Variants in CDH18 observed in about 807,000 individuals in gnomAD.
The protein encoded by CDH18 is cadherin-18.
A neutral mutation model predicts 67.9 loss-of-function variants in CDH18; 31 were observed. The observed-to-expected ratio is 0.46, with a 90% confidence interval of 0.34 to 0.62. The LOEUF is 0.62. Among genes scored for constraint, CDH18 ranks in the 20% least tolerant of loss-of-function variants. The probability of loss-of-function intolerance (pLI) is 0.01; values close to 1 mark genes in which losing one functional copy is unlikely to be tolerated. For missense variants in CDH18, 890 were observed against 975.5 expected (o/e 0.91, Z 1.17); for synonymous variants, 362 against 347.2 (o/e 1.04, Z -0.48).
chr5:19,513,866 C>G (rs1554033798), intron 10 of CDH18, among the ~76,000 whole-genome samples: 1 of 151,268 alleles, frequency 6.6e-6, no homozygotes, highest in South Asian at 2.1e-4. Context: ...TTTTTTTATA[C>G]TTTAAGTTCT....
At chr5:19,751,940 T>C (rs1770902985) in intron 3 of CDH18, among the ~76,000 whole-genome samples, 1 of 152,036 alleles carries the variant, frequency 6.6e-6, no homozygotes, top group South Asian at 2.1e-4. Context: ...ATCCTGAGAG[T>C]ACTCGCAGAC....
intron 1 of CDH18, among the ~76,000 whole-genome samples, chr5:20,262,119 G>A (rs1309123179): frequency 3.9e-5 from 6 of 152,152 alleles, no homozygotes; most frequent in Non-Finnish European, 7.3e-5. Flanking sequence ...CTTGATACAA[G>A]GTGCTGCTTG....
In CDH18 at chr5:19,904,416, G is replaced by T. The variant is rs530755783; in HGVS notation, c.-256-65174C>A. ...GGGAAGAGAAGGGAAGGGAAAGGAAGAGAAGGGAAGGGAAGGGACAGTTTG... is the reference window on the plus strand; with the variant it reads ...GGGAAGAGAAGGGAAGGGAAAGGAATAGAAGGGAAGGGAAGGGACAGTTTG... On this transcript the variant is annotated intron_variant, in intron 2 of 12. Transcript: ENST00000382275. Among the ~76,000 whole-genome samples the T allele has an allele frequency of 5.3e-5, 8 of 151,540 alleles. No individual in the cohort carries two copies. The South Asian group carries it at 1.7e-3, about 32-fold the overall frequency.
At chr5:19,947,719 C>T (rs142258607) in intron 2 of CDH18, among the ~76,000 whole-genome samples, 1,871 of 151,180 alleles carry the variant, frequency 0.012, 45 homozygotes, top group African/African-American at 0.042. Context: ...GCTGTGATGG[C>T]GCCACTGCAC....
At chr5:20,435,393 A>C (rs1208774428) in intron 1 of CDH18, among the ~76,000 whole-genome samples, 1 of 151,970 alleles carries the variant, frequency 6.6e-6, no homozygotes, top group Non-Finnish European at 1.5e-5. Context: ...ATCAATTACT[A>C]TTTTCAAAAT....
At chr5:20,062,140 A>AATTATT (rs113839953) in intron 2 of CDH18, among the ~76,000 whole-genome samples, 13,125 of 137,764 alleles carry the variant, frequency 0.095, 1,284 homozygotes, top group African/African-American at 0.25. Context: ...TTAAGCCCAG[A>AATTATT]ATTATTATTA....
intron 2 of CDH18, among the ~76,000 whole-genome samples, chr5:19,851,082 C>T (rs1315499155): frequency 6.6e-6 from 1 of 151,670 alleles, no homozygotes; most frequent in Non-Finnish European, 1.5e-5. Flanking sequence ...AATAATAAGA[C>T]TCACAAAAAC....
intron 2 of CDH18, among the ~76,000 whole-genome samples, chr5:20,209,884 T>C (rs1740217380): frequency 6.6e-6 from 1 of 151,746 alleles, no homozygotes; most frequent in Admixed American, 6.6e-5. Flanking sequence ...GAAGCCCAAT[T>C]ACCCTAATTT....
intron 2 of CDH18, among the ~76,000 whole-genome samples, chr5:20,230,329 C>G (rs1443993010): frequency 1.3e-5 from 2 of 152,154 alleles, no homozygotes; most frequent in Non-Finnish European, 2.9e-5. Flanking sequence ...ATTGGTCACT[C>G]TGGGCCTATG....
intron 1 of CDH18, among the ~76,000 whole-genome samples, chr5:20,428,858 G>C (rs1748526970): frequency 6.6e-6 from 1 of 152,114 alleles, no homozygotes; most frequent in African/African-American, 2.4e-5. Context: ...GCAAGAAAAA[G>C]TAATTAGAAA....
At chr5:20,139,528 GTAA>G (rs1750051328) in intron 2 of CDH18, among the ~76,000 whole-genome samples, 2 of 152,126 alleles carry the variant, frequency 1.3e-5, no homozygotes, top group Non-Finnish European at 2.9e-5. Flanking sequence ...GAGTGAACAG[GTAA>G]CCTACAGAAT....
intron 5 of CDH18, among the ~76,000 whole-genome samples, chr5:19,708,298 A>G (rs190726533): frequency 1.9e-3 from 292 of 152,316 alleles, no homozygotes; most frequent in African/African-American, 6.6e-3. Context: ...ATTTAAATGG[A>G]TAAAAACACC....
chr5:19,489,795 G>A (rs575608198), intron 11 of CDH18, among the ~76,000 whole-genome samples: 3 of 152,264 alleles, frequency 2.0e-5, no homozygotes, highest in South Asian at 4.1e-4. Flanking sequence ...AAACAACTAT[G>A]TGATTCTTGA....
At chr5:20,468,297 T>C (rs1237676244) in intron 1 of CDH18, among the ~76,000 whole-genome samples, 1 of 152,216 alleles carries the variant, frequency 6.6e-6, no homozygotes, top group Non-Finnish European at 1.5e-5. Flanking sequence ...ATTACAGGCA[T>C]GAGCTGCCAC....
chr5:19,757,202 T>C (rs1771719007), intron 3 of CDH18, among the ~76,000 whole-genome samples: 1 of 152,158 alleles, frequency 6.6e-6, no homozygotes, highest in Admixed American at 6.5e-5. Flanking sequence ...AGTCCATGGA[T>C]GGTAGTCTTG....
At chr5:20,331,906 C>A (rs1739226406) in intron 1 of CDH18, among the ~76,000 whole-genome samples, 1 of 152,118 alleles carries the variant, frequency 6.6e-6, no homozygotes, top group Admixed American at 6.5e-5. Flanking sequence ...GGTCTCTTCA[C>A]TGGAAGAGAA....
Position 19,507,908 on chromosome 5 carries a change from A to T in CDH18, c.1513-4799T>A, listed in dbSNP as rs527939686. Among the ~76,000 whole-genome samples, 146 of 152,014 alleles carry T rather than the reference A, an allele frequency of 9.6e-4. 3 individuals are homozygous for T. The South Asian group carries it at 0.023, about 24-fold the overall frequency. ...TACCCTAGAACTTAAAGTATAATTT[A>T]AAAAAAAGAAGAGAGAAACTCCTAG... On this transcript the variant is annotated intron_variant, in intron 10 of 12. Transcript: ENST00000382275.
chr5:20,362,814 C>A (rs1742193652), intron 1 of CDH18, among the ~76,000 whole-genome samples: 1 of 152,076 alleles, frequency 6.6e-6, no homozygotes, highest in Admixed American at 6.6e-5. Flanking sequence ...CATTTGTATG[C>A]TACATTCTCC....
intron 5 of CDH18, among the ~76,000 whole-genome samples, chr5:19,632,657 C>T (rs1297137835): frequency 6.6e-6 from 1 of 152,144 alleles, no homozygotes; most frequent in African/African-American, 2.4e-5. Flanking sequence ...ATTATGAATA[C>T]CTTCCATGTA....
Sources: gnomAD v4.1 joint callset for allele counts (sites outside exome capture counted in the v4.1 genomes callset) on GRCh38, gnomAD v4.1.1 for gene constraint, MANE v1.5 for transcripts, NCBI Gene and HGNC (gene_info 2026-07-23, HGNC 2026-07-21) for gene names.